The following VWF variants were observed in gnomAD, a reference collection of about 807,000 sequenced individuals.
The protein encoded by VWF is Factor VIII related antigen.
VWF carries 176 observed loss-of-function variants against 308.6 expected under a neutral mutation model. The observed-to-expected ratio is 0.57, with a 90% CI of 0.50 to 0.65. VWF has a LOEUF of 0.65. Among genes scored for constraint, VWF ranks in the 30% least tolerant of loss-of-function variants. VWF has a pLI of 0.00. For synonymous variants in VWF, 1,385 were observed against 1,443.4 expected (o/e 0.96, Z 0.92); for missense variants, 3,146 against 3,648.2 (o/e 0.86, Z 3.55).
chr12:5,964,420 CAGAA>C lies in VWF; in HGVS notation c.7887+3062_7887+3065del, dbSNP rs764415669. 5.3e-4 allele frequency among the ~76,000 whole-genome samples: 80 copies of C among 152,296 alleles called. No individual in the cohort carries two copies. The Middle Eastern group carries it at 0.01, about 19-fold the overall frequency. ...TTTCCACCTTCGTACCCCCAAAAAA[CAGAA>C]AGAACGTAATCACATAATCCCAGAA... is the stretch of plus-strand genomic sequence containing the variant. On this transcript the variant is annotated intron_variant, in intron 47 of 51. Transcript: ENST00000261405.
In VWF at chr12:6,110,395, C is replaced by A; in HGVS notation, c.511G>T (p.Asp171Tyr). ...TTACCTTCTTGGGTCATAAAGTCAT[C>A]TTCAGCAAAGATGTTAAAGTTGCCA... Reference protein sequence around the residue: ...LCGNFNIFAEDDFMTQEGTLT... With the variant: ...LCGNFNIFAEYDFMTQEGTLT... Residue 171 changes from aspartate (D) to tyrosine (Y), a missense_variant, in exon 5 of 52, where the codon GAT (aspartate) becomes TAT (tyrosine). Asp to Tyr is a radical substitution (Grantham distance 160). Coordinates refer to ENST00000261405, the MANE Select transcript of VWF (RefSeq NM_000552.5). 1 of 1,614,202 alleles carries A rather than the reference C, an allele frequency of 6.2e-7. No individual in the cohort carries two copies. Among genetic ancestry groups the A allele is most frequent in the Non-Finnish European group, 8.5e-7 (1 of 1,180,040 alleles).
At chr12:6,012,413 G>A (rs557358667) in intron 32 of VWF, among the ~76,000 whole-genome samples, 20 of 152,346 alleles carry the variant, frequency 1.3e-4, no homozygotes, top group Non-Finnish European at 2.6e-4. Context: ...TTCACATGTA[G>A]ATCACGCCAG....
chr12:6,038,660 C>G (rs1354901068), intron 18 of VWF, among the ~76,000 whole-genome samples: 1 of 152,248 alleles, frequency 6.6e-6, no homozygotes, highest in African/African-American at 2.4e-5. Context: ...CTTCTGAGCA[C>G]CCACTGCAAA....
rs201509264 is a variant in VWF at position 5,991,806 on chromosome 12, C to A, written c.6798+13G>T. The A allele has an allele frequency of 1.9e-6, 3 of 1,613,470 alleles. No individual in the cohort carries two copies. The Admixed American group carries it at 5.0e-5, about 27-fold the overall frequency. Reference sequence around the variant, plus strand: ...AAGCAGCCCCATGGGAAGTGAAAGGCCCAGGCTCCTACCTGGTGCTGGACT... The same window carrying A: ...AAGCAGCCCCATGGGAAGTGAAAGGACCAGGCTCCTACCTGGTGCTGGACT... On this transcript the variant is annotated intron_variant, in intron 38 of 51. Transcript: ENST00000261405.
chr12:6,068,838 G>A (rs1222790641), intron 10 of VWF, among the ~76,000 whole-genome samples: 9 of 81,812 alleles, frequency 1.1e-4, no homozygotes, highest in Non-Finnish European at 2.3e-4. Flanking sequence ...TTTTTTGCGT[G>A]TGTGTGTGTG....
chr12:5,993,841 A>G, intron 37 of VWF, 21 bp downstream of exon 37: 1 of 1,609,684 alleles, frequency 6.2e-7, no homozygotes, highest in South Asian at 1.1e-5. Context: ...CAGGATTTTC[A>G]GAGGTAACTT....
At chr12:6,061,361 C>T (rs1249594491) in intron 13 of VWF, among the ~76,000 whole-genome samples, 1 of 151,664 alleles carries the variant, frequency 6.6e-6, no homozygotes, top group Non-Finnish European at 1.5e-5. Context: ...GTTACTCCTG[C>T]TCCAGAAATA....
intron 16 of VWF, among the ~76,000 whole-genome samples, chr12:6,048,589 A>C (rs1014916737): frequency 1.3e-5 from 2 of 152,160 alleles, no homozygotes; most frequent in East Asian, 3.9e-4. Flanking sequence ...CAGCCTCCAG[A>C]GTAGCTGGGA....
Position 5,998,273 on chromosome 12 carries a change from C to A in VWF, c.5843-2051G>T, listed in dbSNP as rs866002038. 2.6e-3 allele frequency among the ~76,000 whole-genome samples: 399 copies of A among 150,906 alleles called. 6 individuals are homozygous for A. The highest frequency in any genetic ancestry group is 9.4e-3 in the African/African-American group (386 of 41,114). ...CAGCACTTTGGAAGGCCGAGGCGGGCGGATCACAAGGTCAGGAGATCGAGA... is the reference window on the plus strand; with the variant it reads ...CAGCACTTTGGAAGGCCGAGGCGGGAGGATCACAAGGTCAGGAGATCGAGA... On this transcript the variant is annotated intron_variant, in intron 34 of 51. Coordinates refer to ENST00000261405, the MANE Select transcript of VWF (RefSeq NM_000552.5).
chr12:5,980,294 C>G (rs1943591445), intron 42 of VWF, among the ~76,000 whole-genome samples: 1 of 139,772 alleles, frequency 7.2e-6, no homozygotes, highest in East Asian at 2.2e-4. Context: ...ACATTATGTG[C>G]CTCTGGGTGT....
intron 42 of VWF, 112 bp from the exon 43 acceptor site, chr12:5,976,372 A>G: frequency 7.1e-7 from 1 of 1,415,084 alleles, no homozygotes; most frequent in Non-Finnish European, 9.9e-7. Flanking sequence ...GCAATAAATA[A>G]AACCAAATGT....
At chr12:5,967,703 A>C in intron 46 of VWF, 101 bp from the exon 47 acceptor site, 3 of 1,027,230 alleles carry the variant, frequency 2.9e-6, no homozygotes, top group Non-Finnish European at 4.5e-6. Flanking sequence ...CATAGCTCCC[A>C]TGAGCCATCG....
rs1944451294 is a variant in VWF, at chr12:6,046,816, A to G, written c.2188T>C (p.Tyr730His). ...CAGTGCATGAAGCCATCCTCACAGTAGCTGCAGAGAAGAAAATCATAGCCG... is the reference window on the plus strand; with the variant it reads ...CAGTGCATGAAGCCATCCTCACAGTGGCTGCAGAGAAGAAAATCATAGCCG... ...DIFSDHHTMC[Y>H]CEDGFMHCTM... The change falls in exon 17 of 52, where the codon TAC (tyrosine) becomes CAC (histidine). Residue 730 changes from tyrosine to histidine, a missense_variant and splice_region_variant. Coordinates refer to ENST00000261405, the MANE Select transcript of VWF (RefSeq NM_000552.5). This position sits in a 1 kb window ranked among gnomAD's most constrained non-coding sequence, Gnocchi z 5.0. The G allele has an allele frequency of 6.2e-7, 1 of 1,614,002 alleles. No individual in the cohort carries two copies. Among genetic ancestry groups the G allele is most frequent in the Non-Finnish European group, 8.5e-7 (1 of 1,180,010 alleles).
chr12:6,032,550 A>G (rs1468952636), intron 20 of VWF, among the ~76,000 whole-genome samples: 1 of 139,256 alleles, frequency 7.2e-6, no homozygotes, highest in Non-Finnish European at 1.5e-5. Flanking sequence ...AGGCAGGAGA[A>G]TGGCATGAAT....
At chr12:6,076,114 C>A (rs1484861473) in intron 6 of VWF, among the ~76,000 whole-genome samples, 1 of 151,974 alleles carries the variant, frequency 6.6e-6, no homozygotes. Flanking sequence ...TGGGGCCAGA[C>A]GGGACCAGTT....
chr12:6,084,789 G>A (rs1215554355), intron 6 of VWF, among the ~76,000 whole-genome samples: 1 of 152,170 alleles, frequency 6.6e-6, no homozygotes, highest in Admixed American at 6.5e-5. Context: ...GGAGGCGCCT[G>A]GAGTCTGAGC....
chr12:6,034,576 C>G, intron 20 of VWF, 112 bp downstream of exon 20: 1 of 1,547,898 alleles, frequency 6.5e-7, no homozygotes, highest in East Asian at 2.3e-5. Context: ...CCAGTAGAAA[C>G]CAGACCCCAG....
At chr12:5,967,807 G>C (rs1211619999) in intron 46 of VWF, among the ~76,000 whole-genome samples, 1 of 152,206 alleles carries the variant, frequency 6.6e-6, no homozygotes, top group Non-Finnish European at 1.5e-5. Context: ...TCATGCCAAA[G>C]AGGCAGCCCA....
At chr12:6,093,493 A>G (rs1449398742) in intron 6 of VWF, among the ~76,000 whole-genome samples, 1 of 152,096 alleles carries the variant, frequency 6.6e-6, no homozygotes, top group Non-Finnish European at 1.5e-5. Context: ...TGCTTCTCTC[A>G]CTTCCTAACC....
Sources: gnomAD v4.1 joint callset for allele counts (sites outside exome capture counted in the v4.1 genomes callset) on GRCh38, gnomAD v4.1.1 for gene constraint, Gnocchi (gnomAD v3.1) non-coding constraint, MANE v1.5 for transcripts, NCBI Gene and HGNC (gene_info 2026-07-23, HGNC 2026-07-21) for gene names.